PIBF1: variants seen among roughly 807,000 people sequenced by gnomAD.
The protein encoded by PIBF1 is progesterone immunomodulatory binding factor 1.
A neutral mutation model predicts 112.5 loss-of-function variants in PIBF1; 90 were observed. The ratio of observed to expected loss-of-function variants is 0.80; its 90% CI spans 0.67 to 0.95. The LOEUF (loss-of-function observed/expected upper bound fraction) is 0.95, where lower values mean the gene tolerates loss of function less well. Among genes scored for constraint, PIBF1 ranks in the 40% least tolerant of loss-of-function variants. The pLI, the probability that PIBF1 is intolerant of heterozygous loss-of-function variation, is 0.00. For synonymous variants in PIBF1, 301 were observed against 288.6 expected (o/e 1.04, Z -0.44); for missense variants, 915 against 852.3 (o/e 1.07, Z -0.92).
At chr13:73,015,076 G>C (rs537422432) in intron 17 of PIBF1, among the ~76,000 whole-genome samples, 6 of 152,114 alleles carry the variant, frequency 3.9e-5, no homozygotes, top group Non-Finnish European at 1.5e-5. Flanking sequence ...ATGGGCCACC[G>C]CGCCCATCGT....
At chr13:72,907,833 A>G (rs755826713) in intron 11 of PIBF1, among the ~76,000 whole-genome samples, 1 of 151,992 alleles carries the variant, frequency 6.6e-6, no homozygotes, top group East Asian at 1.9e-4. Flanking sequence ...CACTAGAGGC[A>G]TCTCTTTTTT....
rs74766365 is a variant in PIBF1 at position 72,823,844 on chromosome 13, C to T, written c.806+1862C>T. Among the ~76,000 whole-genome samples the T allele has an allele frequency of 4.4e-3, 664 of 152,144 alleles. 8 individuals carry two copies. The highest frequency in any genetic ancestry group is 0.015 in the African/African-American group (632 of 41,526). On this transcript the variant is annotated intron_variant, in intron 6 of 17. Transcript: ENST00000326291. ...TGGTTTTGTAATTTCATTGCCTCAG[C>T]TCTTTGTCTAAGAAGTCTTGATCTC... is the stretch of plus-strand genomic sequence containing the variant.
At chr13:72,834,032 TG>T in intron 8 of PIBF1, among the ~76,000 whole-genome samples, 1 of 152,358 alleles carries the variant, frequency 6.6e-6, no homozygotes, top group Non-Finnish European at 1.5e-5. Flanking sequence ...TTTTCATTTG[TG>T]GCATAATTTT....
At chr13:72,789,692 A>G (rs1488956692) in intron 2 of PIBF1, among the ~76,000 whole-genome samples, 1 of 152,082 alleles carries the variant, frequency 6.6e-6, no homozygotes, top group Non-Finnish European at 1.5e-5. Flanking sequence ...TCTTATCTAA[A>G]ATGCTTGGGA....
chr13:72,960,222 AG>A (rs1232884212), intron 14 of PIBF1, among the ~76,000 whole-genome samples: 1 of 152,178 alleles, frequency 6.6e-6, no homozygotes, highest in East Asian at 1.9e-4. Context: ...TTTGAAAGTA[AG>A]GCTTCTGGCC....
At chr13:72,972,615 G>A (rs2042924907) in intron 15 of PIBF1, among the ~76,000 whole-genome samples, 1 of 151,004 alleles carries the variant, frequency 6.6e-6, no homozygotes, top group South Asian at 2.1e-4. Flanking sequence ...AGTGAGCCGA[G>A]ATCGCGCCAC....
At chr13:72,833,679 C>A (rs1167412141) in intron 8 of PIBF1, among the ~76,000 whole-genome samples, 1 of 152,208 alleles carries the variant, frequency 6.6e-6, no homozygotes, top group African/African-American at 2.4e-5. Flanking sequence ...TATGAGGTGT[C>A]TGTCGGTCCC....
chr13:72,903,274 CT>C (rs902674043), intron 11 of PIBF1, among the ~76,000 whole-genome samples: 3 of 152,202 alleles, frequency 2.0e-5, no homozygotes, highest in Non-Finnish European at 2.9e-5. Flanking sequence ...TTCTCCCCCC[CT>C]AGACTAAGAC....
intron 8 of PIBF1, among the ~76,000 whole-genome samples, chr13:72,831,748 A>G (rs1043474520): frequency 1.3e-5 from 2 of 151,940 alleles, no homozygotes; most frequent in Non-Finnish European, 2.9e-5. Flanking sequence ...GAGTTCTGTA[A>G]TGTCTATTAG....
At chr13:72,950,804 A>G (rs1474737973) in intron 14 of PIBF1, among the ~76,000 whole-genome samples, 1 of 152,194 alleles carries the variant, frequency 6.6e-6, no homozygotes, top group Non-Finnish European at 1.5e-5. Context: ...TTGGGGAGAA[A>G]CAGAGATTTT....
Position 72,867,524 on chromosome 13 carries a change from G to A in PIBF1, c.1322+13369G>A, listed in dbSNP as rs373384316. Among the ~76,000 whole-genome samples, 47 of 152,220 alleles carry A rather than the reference G, an allele frequency of 3.1e-4. 1 individual carries two copies. The East Asian group carries it at 8.5e-3, about 28-fold the overall frequency. On this transcript the variant is annotated intron_variant, in intron 10 of 17. Coordinates refer to ENST00000326291, the MANE Select transcript of PIBF1 (RefSeq NM_006346.4). The stretch of plus-strand genomic sequence containing the variant: ...ATGTTCTCTTTTCAGCACCATAAAG[G>A]TAGAGCAGTCTCTGACTAGATCTGG...
chr13:72,927,960 C>CT (rs2041551418), intron 13 of PIBF1, among the ~76,000 whole-genome samples: 1 of 112,264 alleles, frequency 8.9e-6, no homozygotes, highest in Non-Finnish European at 1.8e-5. Context: ...TATATATATA[C>CT]ACATATATAT....
intron 12 of PIBF1, among the ~76,000 whole-genome samples, chr13:72,915,894 G>C (rs978357370): frequency 6.6e-6 from 1 of 152,168 alleles, no homozygotes; most frequent in African/African-American, 2.4e-5. Flanking sequence ...GAAACATCAT[G>C]ATGGTTGTAA....
chr13:72,892,848 G>A (rs929905428), intron 10 of PIBF1, among the ~76,000 whole-genome samples: 4 of 147,786 alleles, frequency 2.7e-5, no homozygotes, highest in African/African-American at 9.8e-5. Context: ...ACCAAGTTAG[G>A]TCTCCTTCAT....
chr13:72,838,881 C>T (rs1230477252), intron 9 of PIBF1, among the ~76,000 whole-genome samples: 1 of 152,032 alleles, frequency 6.6e-6, no homozygotes, highest in Non-Finnish European at 1.5e-5. Context: ...TATATAAAAG[C>T]CTGAAAGTAG....
intron 14 of PIBF1, among the ~76,000 whole-genome samples, chr13:72,939,277 G>A (rs1190898551): frequency 1.3e-5 from 2 of 152,080 alleles, no homozygotes; most frequent in East Asian, 1.9e-4. Context: ...AAAGTAAACC[G>A]TTTAATATTC....
Position 72,783,696 on chromosome 13 carries a change from A to C in PIBF1, c.227A>C (p.Asn76Thr). The change falls in exon 2 of 18, where the codon AAT becomes ACT. Residue 76 changes from asparagine (N) to threonine (T), a missense_variant. Physicochemically the swap from Asn to Thr is moderately conservative, Grantham distance 65. Transcript: ENST00000326291. Reference protein sequence around the residue: ...ELSQKTMMIDNLKVDYLTKIE... With the variant: ...ELSQKTMMIDTLKVDYLTKIE... ...TCCCAGAAAACTATGATGATCGACA[A>C]TTTGAAAGTGGATTATCTTACAAAG... 1 of 1,613,990 alleles carries C rather than the reference A, an allele frequency of 6.2e-7. No individual in the cohort carries two copies. Among genetic ancestry groups the C allele is most frequent in the Non-Finnish European group, 8.5e-7 (1 of 1,179,894 alleles).
chr13:72,783,797 C>CA, intron 2 of PIBF1, 76 bp downstream of exon 2: 1 of 1,231,378 alleles, frequency 8.1e-7, no homozygotes, highest in South Asian at 1.4e-5. Context: ...ATTAAATACA[C>CA]ACATTATCTG....
chr13:72,931,348 T>G, intron 14 of PIBF1, 81 bp downstream of exon 14: 1 of 915,648 alleles, frequency 1.1e-6, no homozygotes, highest in Non-Finnish European at 1.7e-6. Context: ...TTCTAAGCAG[T>G]TTTAAAATAA....
Sources: gnomAD v4.1 joint callset for allele counts (sites outside exome capture counted in the v4.1 genomes callset) on GRCh38, gnomAD v4.1.1 for gene constraint, MANE v1.5 for transcripts, NCBI Gene and HGNC (gene_info 2026-07-23, HGNC 2026-07-21) for gene names.